The following NOL8 variants were observed in gnomAD, a reference collection of about 807,000 sequenced individuals.
NOL8 encodes nucleolar protein 8.
In NOL8, 93 loss-of-function variants were observed where a neutral mutation model predicts 116.1. The observed-to-expected ratio is 0.80, with a 90% CI of 0.68 to 0.95. NOL8 has a LOEUF of 0.95. NOL8 is among the 40% of genes least tolerant of loss of function. NOL8 has a pLI of 0.00. For synonymous variants in NOL8, 419 were observed against 469.0 expected, an observed-to-expected ratio of 0.89 and a Z score of 1.38; for missense variants, 1,291 against 1,382.8, an observed-to-expected ratio of 0.93 and a Z score of 1.05.
intron 7 of NOL8, 149 bp downstream of exon 7, chr9:92,314,118 A>G (rs1224643132): frequency 6.4e-6 from 8 of 1,242,938 alleles, no homozygotes; most frequent in Non-Finnish European, 6.2e-6. Flanking sequence ...TTTCAGATAA[A>G]CCAGATGAAA....
In NOL8 at chr9:92,315,279, G is replaced by C; in HGVS notation, c.1346C>G (p.Ser449Cys). The part of the protein sequence containing the change: ...SHGLKSLNRK[S>C]PSHSSSSEDA... Reference sequence around the variant, plus strand: ...TTCACTGCTACTGGAGTGAGAGGGAGATTTACGATTAAGAGACTTTAATCC... The same window carrying C: ...TTCACTGCTACTGGAGTGAGAGGGACATTTACGATTAAGAGACTTTAATCC... The change falls in exon 7 of 17, where the codon TCT (serine) becomes TGT (cysteine). Residue 449 changes from serine to cysteine, a missense_variant. Ser to Cys is a moderately radical substitution (Grantham distance 112). Coordinates refer to ENST00000442668, the MANE Select transcript of NOL8 (RefSeq NM_017948.6). 3 of 1,613,986 alleles carry C rather than the reference G, an allele frequency of 1.9e-6. No individual in the cohort carries two copies. The highest frequency in any genetic ancestry group is 2.5e-6 in the Non-Finnish European group (3 of 1,179,874).
At position 92,314,792 on chromosome 9, in the gene NOL8, TATG is replaced by T. The variant is rs774375251; in HGVS notation, c.1830_1832del (p.Ile611del). On this transcript the variant is annotated inframe_deletion, in exon 7 of 17. Coordinates refer to ENST00000442668, the MANE Select transcript of NOL8 (RefSeq NM_017948.6). ...CATATGGGGACCCATCTTCCATGGA[TATG>T]ATACTGGGATCCTCATGTTTCATGG... 6.2e-7 allele frequency: 1 copy of T among 1,613,806 alleles called. No individual in the cohort carries two copies. The highest frequency in any genetic ancestry group is 1.1e-5 in the South Asian group (1 of 91,022).
chr9:92,307,800 T>C (rs1838409935), intron 10 of NOL8, among the ~76,000 whole-genome samples: 1 of 152,230 alleles, frequency 6.6e-6, no homozygotes, highest in Admixed American at 6.5e-5. Flanking sequence ...AAAGATGCTT[T>C]ATAAACTAGG....
chr9:92,298,238 T>G lies in NOL8; in HGVS notation c.3453+19A>C. The G allele has an allele frequency of 6.4e-7, 1 of 1,570,622 alleles. No homozygotes were observed. Among genetic ancestry groups the G allele is most frequent in the Non-Finnish European group, 8.7e-7 (1 of 1,149,742 alleles). On this transcript the variant is annotated intron_variant, in intron 16 of 16. Coordinates refer to ENST00000442668, the MANE Select transcript of NOL8 (RefSeq NM_017948.6). ...AACATGTCTATTTTAGGAAATAATA[T>G]GGAGAAACAATTACTCACCATACGC...
intron 7 of NOL8, 53 bp from the exon 8 acceptor site, chr9:92,311,312 C>G: frequency 7.2e-7 from 1 of 1,379,808 alleles, no homozygotes; most frequent in Non-Finnish European, 1.0e-6. Context: ...GATGAAGACT[C>G]CAAAAGCAAT....
At chr9:92,299,868 T>C in intron 14 of NOL8, 22 bp downstream of exon 14, 1 of 1,610,180 alleles carries the variant, frequency 6.2e-7, no homozygotes. Context: ...GAACTATGCC[T>C]GCAAAGAAAC....
At chr9:92,308,369 A>G (rs553945437) in intron 10 of NOL8, among the ~76,000 whole-genome samples, 2 of 149,302 alleles carry the variant, frequency 1.3e-5, no homozygotes, top group South Asian at 2.1e-4. Context: ...CTCCAAAAAA[A>G]TAAAAATAAA....
chr9:92,319,170 G>T (rs1458942387), intron 5 of NOL8, 51 bp downstream of exon 5: 2 of 1,469,000 alleles, frequency 1.4e-6, no homozygotes, highest in African/African-American at 1.5e-5. Flanking sequence ...GTGATCTCAG[G>T]CATCAGTTTC....
Position 92,324,015 on chromosome 9 carries a change from T to A in NOL8, c.139+8A>T. ...CCTATAACTGCCCAGTGAAGGACCA[T>A]AAATTACCTTGGTCATCTTTCCGTG... On this transcript the variant is annotated splice_region_variant and intron_variant, in intron 2 of 16. Coordinates refer to ENST00000442668, the MANE Select transcript of NOL8 (RefSeq NM_017948.6). The A allele has an allele frequency of 6.2e-7, 1 of 1,613,758 alleles. No homozygotes were observed. The highest frequency in any genetic ancestry group is 8.5e-7 in the Non-Finnish European group (1 of 1,179,720).
Position 92,306,928 on chromosome 9 carries a change from C to T in NOL8, c.2783G>A (p.Ser928Asn). ...TACTGATCCTCTGTTTGTAGAATTG[C>T]TTAAGTTGATTTGCAAAACACTTTG... Reference protein sequence around the residue: ...VVQSVLQINLSNSTNRGSVAA... With the variant: ...VVQSVLQINLNNSTNRGSVAA... The change falls in exon 11 of 17, where the codon AGC becomes AAC. Residue 928 changes from serine to asparagine, a missense_variant. By Grantham distance (46) the Ser-to-Asn change is conservative. Transcript: ENST00000442668. The T allele has an allele frequency of 6.2e-7, 1 of 1,613,326 alleles. No homozygotes were observed. Among genetic ancestry groups the T allele is most frequent in the Non-Finnish European group, 8.5e-7 (1 of 1,179,548 alleles).
Position 92,314,551 on chromosome 9 carries a change from C to G in NOL8, c.2074G>C (p.Gly692Arg), listed in dbSNP as rs373764183. The change falls in exon 7 of 17, where the codon GGC becomes CGC. Residue 692 changes from glycine to arginine, a missense_variant. Coordinates refer to ENST00000442668, the MANE Select transcript of NOL8 (RefSeq NM_017948.6). ...LSLSAKTHNIGFDKDSCHSTT... is the reference protein window; with the variant it reads ...LSLSAKTHNIRFDKDSCHSTT... ...CTATGGCAGCTGTCTTTGTCAAAGC[C>G]TATGTTGTGAGTCTTTGCACTAAGA... is the stretch of plus-strand genomic sequence containing the variant. The G allele has an allele frequency of 1.9e-5, 30 of 1,613,410 alleles. 1 individual carries two copies. In the African/African-American group the frequency reaches 3.5e-4, roughly 19 times the overall value.
chr9:92,312,542 T>C (rs1308564016), intron 7 of NOL8, among the ~76,000 whole-genome samples: 2 of 148,998 alleles, frequency 1.3e-5, no homozygotes, highest in Non-Finnish European at 3.0e-5. Flanking sequence ...AAGCCACCTA[T>C]TGGGCCGGGC....
At chr9:92,301,480 A>C in intron 13 of NOL8, 71 bp downstream of exon 13, 3 of 1,210,186 alleles carry the variant, frequency 2.5e-6, no homozygotes, top group Non-Finnish European at 3.4e-6. Context: ...AATCTGTTAC[A>C]CTTAATGCAG....
rs756845616 is a variant in NOL8, at chr9:92,306,882, A to G, written c.2825+4T>C. ...GGTAGAATGGGATGGAACATAAAACATACTTAAATTTCTTAGCAGCTACTG... is the reference window on the plus strand; with the variant it reads ...GGTAGAATGGGATGGAACATAAAACGTACTTAAATTTCTTAGCAGCTACTG... On this transcript the variant is annotated splice_donor_region_variant and intron_variant, in intron 11 of 16. Coordinates refer to ENST00000442668, the MANE Select transcript of NOL8 (RefSeq NM_017948.6). 2.2e-5 allele frequency: 36 copies of G among 1,610,758 alleles called. No individual in the cohort carries two copies. The South Asian group carries it at 3.5e-4, about 16-fold the overall frequency.
At chr9:92,312,183 A>T (rs1269689480) in intron 7 of NOL8, among the ~76,000 whole-genome samples, 1 of 152,140 alleles carries the variant, frequency 6.6e-6, no homozygotes, top group Non-Finnish European at 1.5e-5. Context: ...GGCCAGGTAC[A>T]GTGGTTGACA....
In NOL8 at chr9:92,324,171, G is replaced by A. The variant is rs1265943148; in HGVS notation, c.-10C>T. The stretch of plus-strand genomic sequence containing the variant: ...CTCTGTTCACTTTCATGAAGGCTGG[G>A]CATATACTTGGGTGTGTTTCAGTGG... On this transcript the variant is annotated 5_prime_UTR_variant, in exon 2 of 17. Coordinates refer to ENST00000442668, the MANE Select transcript of NOL8 (RefSeq NM_017948.6). The A allele has an allele frequency of 6.2e-7, 1 of 1,612,134 alleles. No individual in the cohort carries two copies. The highest frequency in any genetic ancestry group is 8.5e-7 in the Non-Finnish European group (1 of 1,178,826).
chr9:92,315,465 A>T lies in NOL8; in HGVS notation c.1160T>A (p.Met387Lys). The change falls in exon 7 of 17, where the codon ATG becomes AAG. Residue 387 changes from methionine to lysine, a missense_variant. By Grantham distance (95) the Met-to-Lys change is moderately conservative. Coordinates refer to ENST00000442668, the MANE Select transcript of NOL8 (RefSeq NM_017948.6). The stretch of plus-strand genomic sequence containing the variant: ...TTTGACCTTAGCAACATTTTTTTTC[A>T]TCGCAATAATTTCATCTGTATCTCC... ...DSGDTDEIIAMKKNVAKVKNS... is the reference protein window; with the variant it reads ...DSGDTDEIIAKKKNVAKVKNS... The T allele has an allele frequency of 6.3e-7, 1 of 1,599,770 alleles. No homozygotes were observed. Among genetic ancestry groups the T allele is most frequent in the African/African-American group, 1.3e-5 (1 of 74,714 alleles).
chr9:92,316,135 T>C lies in NOL8; in HGVS notation c.490A>G (p.Ile164Val), dbSNP rs1330848713. Residue 164 changes from isoleucine (I) to valine (V), a missense_variant, in exon 7 of 17, where the codon ATC becomes GTC. By Grantham distance (29) the Ile-to-Val change is conservative. Transcript: ENST00000442668. ...CAGTATTTTGAGGGATCATATTTGA[T>C]GATGTTACGCAAGTCAAGAAACAAA... is the stretch of plus-strand genomic sequence containing the variant. ...HLKNQHKRKI[I>V]KYDPSKYCHN... The C allele has an allele frequency of 1.2e-6, 2 of 1,612,062 alleles. No homozygotes were observed. Among genetic ancestry groups the C allele is most frequent in the South Asian group, 1.1e-5 (1 of 90,936 alleles).
chr9:92,300,935 G>A, intron 13 of NOL8: 1 of 887,598 alleles, frequency 1.1e-6, no homozygotes, highest in Non-Finnish European at 1.4e-6. Context: ...GGTATTACCT[G>A]CTTTTACAGT....
Sources: gnomAD v4.1 joint callset for allele counts (sites outside exome capture counted in the v4.1 genomes callset) on GRCh38, gnomAD v4.1.1 for gene constraint, MANE v1.5 for transcripts, NCBI Gene and HGNC (gene_info 2026-07-23, HGNC 2026-07-21) for gene names.